The following NLN variants were observed in gnomAD, a reference collection of about 807,000 sequenced individuals.
NLN encodes the protein neurolysin.
Under a neutral mutation model 79.9 loss-of-function variants are expected in NLN, and 64 were observed. The observed-to-expected ratio is 0.80, with a 90% CI of 0.65 to 0.99. The LOEUF (loss-of-function observed/expected upper bound fraction) is 0.99, where lower values mean the gene tolerates loss of function less well. NLN is among the 50% of genes least tolerant of loss of function. The probability of loss-of-function intolerance (pLI) is 0.00; values close to 1 mark genes in which losing one functional copy is unlikely to be tolerated. For missense variants in NLN, 835 were observed against 858.7 expected, an observed-to-expected ratio of 0.97 and a Z score of 0.34; for synonymous variants, 267 against 296.6, an observed-to-expected ratio of 0.90 and a Z score of 1.02.
intron 1 of NLN, among the ~76,000 whole-genome samples, chr5:65,753,037 A>G (rs574006210): frequency 6.6e-6 from 1 of 152,328 alleles, no homozygotes; most frequent in African/African-American, 2.4e-5. Context: ...ACTATAAAAC[A>G]TATATGTGTC....
In NLN at chr5:65,800,885, G is replaced by A. The variant is rs560967613; in HGVS notation, c.1527+8230G>A. ...TTTTTATAGTTTTTGTAGAGATGGG[G>A]TTTCACAATGTTGCCCAGGCTGATC... On this transcript the variant is annotated intron_variant, in intron 9 of 12. Transcript: ENST00000380985. 2.6e-4 allele frequency among the ~76,000 whole-genome samples: 39 copies of A among 151,888 alleles called. No individual in the cohort carries two copies. The East Asian group carries it at 6.8e-3, about 26-fold the overall frequency.
At chr5:65,775,087 G>C (rs1373228117) in intron 3 of NLN, among the ~76,000 whole-genome samples, 11 of 152,012 alleles carry the variant, frequency 7.2e-5, no homozygotes, top group Non-Finnish European at 1.6e-4. Context: ...CCTTCTACCT[G>C]TTTGCACCTG....
chr5:65,808,362 G>A lies in NLN; in HGVS notation c.1528-1153G>A, dbSNP rs185871583. ...TACATCCCTCTTCCCTTTCCCCTCC[G>A]TGTGGAGCCCCAGGGATGATGAAGT... is the stretch of plus-strand genomic sequence containing the variant. On this transcript the variant is annotated intron_variant, in intron 9 of 12. Coordinates refer to ENST00000380985, the MANE Select transcript of NLN (RefSeq NM_020726.5). Among the ~76,000 whole-genome samples the A allele has an allele frequency of 5.3e-5, 8 of 152,158 alleles. No homozygotes were observed. The East Asian group carries it at 1.5e-3, about 29-fold the overall frequency.
Position 65,731,862 on chromosome 5 carries a change from C to A in NLN, c.41+9448C>A, listed in dbSNP as rs1466153523. On this transcript the variant is annotated intron_variant, in intron 1 of 12. Coordinates refer to ENST00000380985, the MANE Select transcript of NLN (RefSeq NM_020726.5). ...GCCTCCCAGTCTCAAGCAGTCCTCC[C>A]ACGTCAGCCTTCCAAGTAGTTGGGA... is the stretch of plus-strand genomic sequence containing the variant. Among the ~76,000 whole-genome samples, 5 of 150,928 alleles carry A rather than the reference C, an allele frequency of 3.3e-5. No individual in the cohort carries two copies. The East Asian group carries it at 9.8e-4, about 30-fold the overall frequency.
At chr5:65,811,057 A>G (rs1760534013) in intron 11 of NLN, among the ~76,000 whole-genome samples, 1 of 152,226 alleles carries the variant, frequency 6.6e-6, no homozygotes, top group Admixed American at 6.5e-5. Flanking sequence ...AAAGCATTTG[A>G]CTAGCAGTTT....
At chr5:65,727,171 T>C (rs948474337) in intron 1 of NLN, among the ~76,000 whole-genome samples, 3 of 152,170 alleles carry the variant, frequency 2.0e-5, no homozygotes, top group Non-Finnish European at 4.4e-5. Context: ...TACCTATGTA[T>C]GTATGTATTT....
At chr5:65,723,280 G>A (rs1009753281) in intron 1 of NLN, among the ~76,000 whole-genome samples, 6 of 152,160 alleles carry the variant, frequency 3.9e-5, no homozygotes, top group Non-Finnish European at 7.3e-5. Flanking sequence ...GTTCCCTTTT[G>A]CACATTGCCA....
At chr5:65,770,914 C>T (rs1158351099) in intron 3 of NLN, among the ~76,000 whole-genome samples, 7 of 151,804 alleles carry the variant, frequency 4.6e-5, no homozygotes, top group African/African-American at 9.7e-5. Flanking sequence ...TTATAAAGCT[C>T]GAAAAGAAGC....
At chr5:65,768,357 T>C (rs1446331454) in intron 3 of NLN, among the ~76,000 whole-genome samples, 1 of 152,064 alleles carries the variant, frequency 6.6e-6, no homozygotes, top group African/African-American at 2.4e-5. Context: ...GAGAGTGAAC[T>C]TAGGGGAAGC....
chr5:65,807,241 C>T (rs1005554660), intron 9 of NLN, among the ~76,000 whole-genome samples: 2 of 151,454 alleles, frequency 1.3e-5, no homozygotes, highest in Non-Finnish European at 2.9e-5. Flanking sequence ...GCCATGCCAA[C>T]CTTCCATAAT....
chr5:65,772,275 A>G (rs1490909367), intron 3 of NLN, among the ~76,000 whole-genome samples: 2 of 152,220 alleles, frequency 1.3e-5, no homozygotes, highest in East Asian at 3.8e-4. Flanking sequence ...CATGTGACTT[A>G]AAGCTCTTCA....
At chr5:65,795,310 C>A (rs1010089840) in intron 9 of NLN, among the ~76,000 whole-genome samples, 9 of 152,124 alleles carry the variant, frequency 5.9e-5, no homozygotes, top group Non-Finnish European at 1.0e-4. Context: ...ATGGTTTGAG[C>A]CTGGAAGGTG....
At chr5:65,755,054 C>A (rs1480823297) in intron 1 of NLN, among the ~76,000 whole-genome samples, 2 of 152,182 alleles carry the variant, frequency 1.3e-5, no homozygotes, top group African/African-American at 4.8e-5. Flanking sequence ...TTTACTATAA[C>A]CTGACTACTC....
At chr5:65,777,363 C>T (rs1759701308) in intron 3 of NLN, 64 bp from the exon 4 acceptor site, 1 of 1,052,024 alleles carries the variant, frequency 9.5e-7, no homozygotes, top group African/African-American at 1.6e-5. Context: ...GCTGTGGCCT[C>T]ATAGTTTATA....
At position 65,821,454 on chromosome 5, in the gene NLN, G is replaced by A. The variant is rs967951299; in HGVS notation, c.1981-1327G>A. Among the ~76,000 whole-genome samples the A allele has an allele frequency of 3.0e-4, 45 of 152,224 alleles. 1 individual carries two copies. Among genetic ancestry groups the A allele is most frequent in the African/African-American group, 1.1e-3 (45 of 41,540 alleles). On this transcript the variant is annotated intron_variant, in intron 12 of 12. Coordinates refer to ENST00000380985, the MANE Select transcript of NLN (RefSeq NM_020726.5). ...TGGATTTTGAGCACTTAGAACAACA[G>A]CAACAAAAGTCTCCATAATGTGTAT...
In NLN at chr5:65,825,603, CTTGAG is replaced by C. The variant is rs1343886392; in HGVS notation, c.*2691_*2695del. On this transcript the variant is annotated 3_prime_UTR_variant, in exon 13 of 13. Coordinates refer to ENST00000380985, the MANE Select transcript of NLN (RefSeq NM_020726.5). ...ACCTAGATAAACAACTAAAAATTGC[CTTGAG>C]TTATCACCTGAGCTACTTATGCCAA... 1 of 152,122 alleles carries C rather than the reference CTTGAG, an allele frequency of 6.6e-6. No individual in the cohort carries two copies. The highest frequency in any genetic ancestry group is 1.5e-5 in the Non-Finnish European group (1 of 68,030). The allele number at this position is 152,122 out of a possible 1,614,324, so 9.4% of individuals were successfully genotyped here.
intron 1 of NLN, among the ~76,000 whole-genome samples, chr5:65,731,951 A>G (rs973040842): frequency 1.3e-5 from 2 of 151,684 alleles, no homozygotes; most frequent in East Asian, 1.9e-4. Flanking sequence ...AGGTTTCACC[A>G]TGTTGCCCAG....
rs1238614583 is a variant in NLN, at chr5:65,781,253, T to C, written c.662-8T>C. ...AAATTTGATATATGAGAAAATGATT[T>C]TTTGCAGGTGCTCTTCCTGATGATT... On this transcript the variant is annotated splice_polypyrimidine_tract_variant and splice_region_variant and intron_variant, in intron 5 of 12. Transcript: ENST00000380985. 1 of 1,597,212 alleles carries C rather than the reference T, an allele frequency of 6.3e-7. No individual in the cohort carries two copies. Among genetic ancestry groups the C allele is most frequent in the African/African-American group, 1.4e-5 (1 of 73,952 alleles).
At chr5:65,746,879 C>G (rs935099393) in intron 1 of NLN, among the ~76,000 whole-genome samples, 1 of 151,938 alleles carries the variant, frequency 6.6e-6, no homozygotes, top group Non-Finnish European at 1.5e-5. Flanking sequence ...TGGTGGGCAC[C>G]TGTAATCCCA....
Sources: allele counts gnomAD v4.1 joint callset (sites outside exome capture counted in the v4.1 genomes callset), GRCh38; gene constraint gnomAD v4.1.1; transcripts MANE v1.5; gene names NCBI Gene and HGNC (gene_info 2026-07-23, HGNC 2026-07-21).